Variants in NFYC observed in about 807,000 individuals in gnomAD.
NFYC encodes CAAT box DNA-binding protein subunit C.
NFYC carries 25 observed loss-of-function variants against 53.1 expected under a neutral mutation model. The ratio of observed to expected loss-of-function variants is 0.47; its 90% CI spans 0.34 to 0.66. The LOEUF (loss-of-function observed/expected upper bound fraction) is 0.66. Among genes scored for constraint, NFYC ranks in the 30% least tolerant of loss-of-function variants. The pLI is 0.01. For synonymous variants in NFYC, 145 were observed against 152.6 expected (o/e 0.95, Z 0.37); for missense variants, 260 against 422.7 (o/e 0.62, Z 3.38).
rs576716959 is a variant in NFYC at position 40,738,069 on chromosome 1, A to T, written c.-8-767A>T. ...AGGCGCCCGCCACTACGCCCGGCTA[A>T]TTTTTTGTATTTTTAGTAGAGACGG... On this transcript the variant is annotated intron_variant, in intron 1 of 9. Coordinates refer to ENST00000447388, the MANE Select transcript of NFYC (RefSeq NM_014223.5). Among the ~76,000 whole-genome samples the T allele has an allele frequency of 7.9e-5, 12 of 151,752 alleles. No homozygotes were observed. In the East Asian group the frequency reaches 1.9e-3, roughly 25 times the overall value.
At chr1:40,763,849 G>T (rs1162897203) in intron 7 of NFYC, among the ~76,000 whole-genome samples, 2 of 152,174 alleles carry the variant, frequency 1.3e-5, no homozygotes, top group Non-Finnish European at 2.9e-5. Context: ...CACTACCCAT[G>T]CCAAGGCCCA....
intron 1 of NFYC, among the ~76,000 whole-genome samples, chr1:40,704,369 C>T (rs980216994): frequency 6.6e-6 from 1 of 152,162 alleles, no homozygotes; most frequent in African/African-American, 2.4e-5. Flanking sequence ...CAGCGCCCAG[C>T]CTGATTTGAG....
intron 7 of NFYC, 148 bp from the exon 8 acceptor site, chr1:40,766,448 C>A: frequency 1.6e-6 from 1 of 611,732 alleles, no homozygotes; most frequent in Non-Finnish European, 2.9e-6. Flanking sequence ...TTGTTTTGAC[C>A]TCTGTTTAAA....
At chr1:40,753,351 T>A in intron 5 of NFYC, 105 bp downstream of exon 5, 1 of 735,916 alleles carries the variant, frequency 1.4e-6, no homozygotes, top group Non-Finnish European at 2.3e-6. Flanking sequence ...CTATTCCTTT[T>A]GCTTCTCGTT....
chr1:40,771,388 T>G lies in NFYC; in HGVS notation c.*560T>G, dbSNP rs1361774541. 2 of 469,590 alleles carry G rather than the reference T, an allele frequency of 4.3e-6. No homozygotes were observed. Among genetic ancestry groups the G allele is most frequent in the East Asian group, 1.4e-4 (2 of 14,316 alleles). The allele number at this position is 469,590 out of a possible 1,614,324, so 29.1% of individuals were successfully genotyped here. A position where few individuals can be genotyped will look rare whatever the true frequency, so the allele number is the denominator to read the frequency against. ...TCTGTGTATTTGCATCCAGAGGCCA[T>G]GGAAACATTCTTTGCATTTAAGAGA... On this transcript the variant is annotated 3_prime_UTR_variant, in exon 10 of 10. Coordinates refer to ENST00000447388, the MANE Select transcript of NFYC (RefSeq NM_014223.5).
In NFYC at chr1:40,767,009, C is replaced by G. The variant is rs1431570209; in HGVS notation, c.828+306C>G. 3.2e-6 allele frequency: 5 copies of G among 1,543,372 alleles called. No individual in the cohort carries two copies. The African/African-American group carries it at 5.5e-5, about 17-fold the overall frequency. The stretch of plus-strand genomic sequence containing the variant: ...CCCATCAGACCTGGGAAATGTTCGA[C>G]AGATCGCCTGATCGTCAGGCTGTTT... On this transcript the variant is annotated intron_variant, in intron 8 of 9. Transcript: ENST00000447388.
At chr1:40,762,804 C>A in intron 6 of NFYC, 84 bp from the exon 7 acceptor site, 1 of 1,329,166 alleles carries the variant, frequency 7.5e-7, no homozygotes, top group Non-Finnish European at 1.0e-6. Context: ...TTGCTCCCAG[C>A]ACATTGCTCG....
At chr1:40,753,096 A>G in intron 4 of NFYC, 55 bp from the exon 5 acceptor site, 1 of 1,327,992 alleles carries the variant, frequency 7.5e-7, no homozygotes, top group Non-Finnish European at 1.1e-6. Flanking sequence ...GTATAAAGCC[A>G]AGTGAACTAG....
rs532008607 is a variant in NFYC at position 40,770,570 on chromosome 1, C to T, written c.889-139C>T. 2.9e-4 allele frequency: 473 copies of T among 1,603,534 alleles called. 10 individuals carry two copies. In the South Asian group the frequency reaches 5.1e-3, roughly 17 times the overall value. On this transcript the variant is annotated intron_variant, in intron 9 of 9. Coordinates refer to ENST00000447388, the MANE Select transcript of NFYC (RefSeq NM_014223.5). This position sits in a 1 kb window ranked among gnomAD's most constrained non-coding sequence, Gnocchi z 5.3. Reference sequence around the variant, plus strand: ...GCTGCTCCCAACCCCAGCAGAGCTCCACTTCCCCTCCTCCTTCTGACGCCT... The same window carrying T: ...GCTGCTCCCAACCCCAGCAGAGCTCTACTTCCCCTCCTCCTTCTGACGCCT...
chr1:40,727,809 G>T (rs907593539), intron 1 of NFYC, among the ~76,000 whole-genome samples: 3 of 152,090 alleles, frequency 2.0e-5, no homozygotes, highest in Non-Finnish European at 4.4e-5. Context: ...AGGATTACAG[G>T]CATGAGTCAC....
intron 1 of NFYC, among the ~76,000 whole-genome samples, chr1:40,738,538 GTTAAAAGTCC>G (rs1260454735): frequency 6.6e-6 from 1 of 152,174 alleles, no homozygotes; most frequent in African/African-American, 2.4e-5. Context: ...CATATAAGAA[GTTAAAAGTCC>G]TTGATTAACA....
intron 1 of NFYC, among the ~76,000 whole-genome samples, chr1:40,716,201 G>A (rs1284924585): frequency 6.6e-6 from 1 of 152,138 alleles, no homozygotes; most frequent in Non-Finnish European, 1.5e-5. Context: ...TGAGACTGAT[G>A]ATGTTTATCA....
At chr1:40,736,740 G>T (rs957052280) in intron 1 of NFYC, among the ~76,000 whole-genome samples, 1 of 145,640 alleles carries the variant, frequency 6.9e-6, no homozygotes, top group Non-Finnish European at 1.5e-5. Context: ...CTGACATGAC[G>T]CTCAAAGGAA....
intron 1 of NFYC, among the ~76,000 whole-genome samples, chr1:40,738,614 A>G (rs1645177736): frequency 6.6e-6 from 1 of 152,244 alleles, no homozygotes; most frequent in African/African-American, 2.4e-5. Context: ...GGAGGTCTTC[A>G]GTAGTCTCTA....
At chr1:40,717,686 A>G (rs1222549255) in intron 1 of NFYC, among the ~76,000 whole-genome samples, 1 of 152,248 alleles carries the variant, frequency 6.6e-6, no homozygotes, top group Non-Finnish European at 1.5e-5. Flanking sequence ...CCTTGAGATT[A>G]GTACATATAC....
At chr1:40,714,271 A>T (rs1644041458) in intron 1 of NFYC, among the ~76,000 whole-genome samples, 1 of 152,204 alleles carries the variant, frequency 6.6e-6, no homozygotes, top group Non-Finnish European at 1.5e-5. Context: ...ACAAGACTAA[A>T]ATAGGAATCA....
chr1:40,706,925 T>C (rs922398829), intron 1 of NFYC, among the ~76,000 whole-genome samples: 4 of 152,132 alleles, frequency 2.6e-5, no homozygotes, highest in Non-Finnish European at 1.5e-5. Flanking sequence ...ATCCCAGCAC[T>C]TTGGGAGACC....
chr1:40,744,955 A>T (rs1645533755), intron 2 of NFYC, among the ~76,000 whole-genome samples: 4 of 152,136 alleles, frequency 2.6e-5, no homozygotes, highest in Admixed American at 2.6e-4. Flanking sequence ...ACAGGGATGA[A>T]CCATACACAC....
At chr1:40,755,778 A>G (rs553121036) in intron 5 of NFYC, among the ~76,000 whole-genome samples, 6 of 152,282 alleles carry the variant, frequency 3.9e-5, no homozygotes, top group Admixed American at 3.9e-4. Flanking sequence ...GATACTGTCT[A>G]GTTCATAAAC....
Sources: gnomAD v4.1 joint callset for allele counts (sites outside exome capture counted in the v4.1 genomes callset) on GRCh38, gnomAD v4.1.1 for gene constraint, Gnocchi (gnomAD v3.1) non-coding constraint, MANE v1.5 for transcripts, NCBI Gene and HGNC (gene_info 2026-07-23, HGNC 2026-07-21) for gene names.